The following LPCAT2 variants were observed in gnomAD, a reference collection of about 807,000 sequenced individuals.
The protein encoded by LPCAT2 is lysophosphatidylcholine acyltransferase 2, also known as 1-AGP acyltransferase 11.
A neutral mutation model predicts 64.7 loss-of-function variants in LPCAT2; 58 were observed. That is an observed-to-expected ratio of 0.90 (90% confidence interval 0.73 to 1.12). The LOEUF is 1.12. LPCAT2 is among the 50% of genes most tolerant of loss of function. The pLI is 0.00. For missense variants in LPCAT2, 579 were observed against 669.8 expected (o/e 0.86, Z 1.50); for synonymous variants, 252 against 245.3 (o/e 1.03, Z -0.26).
intron 7 of LPCAT2, 56 bp downstream of exon 7, chr16:55,534,533 A>C: frequency 1.2e-6 from 1 of 813,938 alleles, no homozygotes; most frequent in Non-Finnish European, 1.9e-6. Flanking sequence ...GTGAAGAAAA[A>C]GAAAGATCAT....
rs1250071794 is a variant in LPCAT2, at chr16:55,579,313, A to G, written c.1450+69A>G. On this transcript the variant is annotated intron_variant, in intron 13 of 13. Transcript: ENST00000262134. ...CATCCAGACTATGGACTGATGCTCA[A>G]GAGTACTGTTTCTCTTAACTAATTA... 2.7e-6 allele frequency: 4 copies of G among 1,459,396 alleles called. No homozygotes were observed. The Admixed American group carries it at 6.7e-5, about 24-fold the overall frequency. The allele number at this position is 1,459,396 out of a possible 1,614,324, so 90.4% of individuals were successfully genotyped here.
intron 4 of LPCAT2, 105 bp downstream of exon 4, chr16:55,530,052 A>G: frequency 1.4e-6 from 1 of 717,184 alleles, no homozygotes; most frequent in Non-Finnish European, 2.3e-6. Context: ...GTGGACACCT[A>G]TACTAGGTAT....
At chr16:55,519,370 G>C (rs921235853) in intron 1 of LPCAT2, among the ~76,000 whole-genome samples, 10 of 151,598 alleles carry the variant, frequency 6.6e-5, no homozygotes, top group African/African-American at 2.4e-4. Context: ...TTAGCCGGGC[G>C]TGGTGGCGGG....
At chr16:55,553,278 G>A (rs73551723) in intron 11 of LPCAT2, among the ~76,000 whole-genome samples, 13,272 of 152,120 alleles carry the variant, frequency 0.087, 826 homozygotes, top group African/African-American at 0.17. Context: ...ATGCTATTTT[G>A]TAACATTTTA....
intron 11 of LPCAT2, chr16:55,566,608 G>T: frequency 2.6e-6 from 2 of 781,916 alleles, no homozygotes; most frequent in Non-Finnish European, 4.0e-6. Flanking sequence ...TCTTCAGTAG[G>T]ATGTGAAACA....
intron 8 of LPCAT2, chr16:55,541,659 T>C (rs9923296): frequency 0.078 from 20,756 of 265,126 alleles, 1,219 homozygotes; most frequent in African/African-American, 0.17. Flanking sequence ...TCTAATCCTG[T>C]TACTACCTAC....
In LPCAT2 at chr16:55,584,188, C is replaced by T. The variant is rs1450125922; in HGVS notation, c.*1090C>T. 6.6e-6 allele frequency: 1 copy of T among 152,128 alleles called. No homozygotes were observed. The highest frequency in any genetic ancestry group is 1.5e-5 in the Non-Finnish European group (1 of 68,018). 9.4% of individuals were successfully genotyped at this position (152,128 alleles called of 1,614,324 possible). ...TTGAGTTAGATAGTTCAGAATGTAG[C>T]ACTTGCCCTATAAATGAATCAGATT... On this transcript the variant is annotated 3_prime_UTR_variant, in exon 14 of 14. Coordinates refer to ENST00000262134, the MANE Select transcript of LPCAT2 (RefSeq NM_017839.5).
intron 12 of LPCAT2, 73 bp from the exon 13 acceptor site, chr16:55,579,036 A>T: frequency 7.1e-7 from 1 of 1,404,768 alleles, no homozygotes; most frequent in Non-Finnish European, 9.9e-7. Context: ...ATTATTAAAG[A>T]CTTTATTTTC....
chr16:55,576,624 G>T (rs1485210528), intron 12 of LPCAT2, among the ~76,000 whole-genome samples: 1 of 152,162 alleles, frequency 6.6e-6, no homozygotes, highest in Admixed American at 6.6e-5. Flanking sequence ...CACATTTCAG[G>T]GAGGGTCCAG....
intron 1 of LPCAT2, among the ~76,000 whole-genome samples, chr16:55,516,383 G>A (rs62027890): frequency 0.088 from 13,365 of 152,250 alleles, 829 homozygotes; most frequent in Non-Finnish European, 0.12. Context: ...GGGATTATAG[G>A]TGTGAGCCAC....
rs1963949211 is a variant in LPCAT2 at position 55,586,539 on chromosome 16, T to TTTTCACTTACAGCATC, written c.*3441_*3442insTTTCACTTACAGCATC. The TTTTCACTTACAGCATC allele has an allele frequency of 6.6e-6, 1 of 151,998 alleles. No individual in the cohort carries two copies. Among genetic ancestry groups the TTTTCACTTACAGCATC allele is most frequent in the African/African-American group, 2.4e-5 (1 of 41,310 alleles). The allele number at this position is 151,998 out of a possible 1,614,324, so 9.4% of individuals were successfully genotyped here. A position where few individuals can be genotyped will look rare whatever the true frequency, so the allele number is the denominator to read the frequency against. ...TACTCCATCTTTTTTCAAAGTTTCTTACATTTTCCAATGTCATTAAAATTC... is the reference window on the plus strand; with the variant it reads ...TACTCCATCTTTTTTCAAAGTTTCTTTTTCACTTACAGCATCACATTTTCCAATGTCATTAAAATTC... On this transcript the variant is annotated 3_prime_UTR_variant, in exon 14 of 14. Coordinates refer to ENST00000262134, the MANE Select transcript of LPCAT2 (RefSeq NM_017839.5).
In LPCAT2 at chr16:55,532,827, C is replaced by G. The variant is rs1380196607; in HGVS notation, c.707C>G (p.Ala236Gly). 7 of 1,610,820 alleles carry G rather than the reference C, an allele frequency of 4.3e-6. No individual in the cohort carries two copies. The highest frequency in any genetic ancestry group is 4.0e-5 in the African/African-American group (3 of 74,780). ...TAAACTTTCAATGTGGTTGCAGGAG[C>G]CTTCATTCCAGGAGTTCCAGTGCAG... The part of the protein sequence containing the change: ...RSCLITFKPG[A>G]FIPGVPVQPV... Residue 236 changes from alanine to glycine, a missense_variant, in exon 6 of 14, where the codon GCC becomes GGC. Coordinates refer to ENST00000262134, the MANE Select transcript of LPCAT2 (RefSeq NM_017839.5).
Position 55,535,868 on chromosome 16 carries a change from T to C in LPCAT2, c.797+1391T>C, listed in dbSNP as rs560500349. Among the ~76,000 whole-genome samples, 7 of 152,296 alleles carry C rather than the reference T, an allele frequency of 4.6e-5. No homozygotes were observed. In the East Asian group the frequency reaches 1.4e-3, roughly 29 times the overall value. ...GTGATGATCAAATAGGAGAAAGCTTTTCTGGAAGAGGAACTGGGGATAGAA... is the reference window on the plus strand; with the variant it reads ...GTGATGATCAAATAGGAGAAAGCTTCTCTGGAAGAGGAACTGGGGATAGAA... On this transcript the variant is annotated intron_variant, in intron 7 of 13. Transcript: ENST00000262134.
chr16:55,561,458 G>A (rs1239166475), intron 11 of LPCAT2, among the ~76,000 whole-genome samples: 2 of 150,268 alleles, frequency 1.3e-5, no homozygotes, highest in East Asian at 2.0e-4. Context: ...ATAGCCATAG[G>A]GGATTAAATC....
chr16:55,554,441 G>A (rs1044852788), intron 11 of LPCAT2, among the ~76,000 whole-genome samples: 9 of 152,160 alleles, frequency 5.9e-5, no homozygotes. Flanking sequence ...ACCTCTGCTA[G>A]CTTCAATCTT....
At position 55,584,366 on chromosome 16, in the gene LPCAT2, A is replaced by G. The variant is rs373738936; in HGVS notation, c.*1268A>G. 2 of 152,324 alleles carry G rather than the reference A, an allele frequency of 1.3e-5. No individual in the cohort carries two copies. The highest frequency in any genetic ancestry group is 3.9e-4 in the East Asian group (2 of 5,182). The allele number at this position is 152,324 out of a possible 1,614,324, so 9.4% of individuals were successfully genotyped here. A position where few individuals can be genotyped will look rare whatever the true frequency, so the allele number is the denominator to read the frequency against. On this transcript the variant is annotated 3_prime_UTR_variant, in exon 14 of 14. Coordinates refer to ENST00000262134, the MANE Select transcript of LPCAT2 (RefSeq NM_017839.5). ...TATCACCCAAAGCTAGGGAATCAAC[A>G]AACGTACTTTATTAATGCAAGACCA...
chr16:55,545,448 A>G (rs1963442201), intron 8 of LPCAT2: 1 of 249,612 alleles, frequency 4.0e-6, no homozygotes, highest in African/African-American at 2.2e-5. Context: ...AATTCCAGAC[A>G]CTGACTTGTT....
At chr16:55,570,842 G>T (rs1194280187) in intron 11 of LPCAT2, among the ~76,000 whole-genome samples, 1 of 152,020 alleles carries the variant, frequency 6.6e-6, no homozygotes, top group Admixed American at 6.6e-5. Context: ...CAGTTAAATC[G>T]AATACTTCTT....
intron 3 of LPCAT2, 96 bp downstream of exon 3, chr16:55,528,690 G>T: frequency 1.1e-6 from 1 of 901,228 alleles, no homozygotes; most frequent in East Asian, 2.7e-5. Context: ...TTTTTAAAAA[G>T]TTTAAAATAA....
Sources: gnomAD v4.1 joint callset for allele counts (sites outside exome capture counted in the v4.1 genomes callset) on GRCh38, gnomAD v4.1.1 for gene constraint, MANE v1.5 for transcripts, NCBI Gene and HGNC (gene_info 2026-07-23, HGNC 2026-07-21) for gene names.